The following GALNTL6 variants were observed in gnomAD, a reference collection of about 807,000 sequenced individuals.
The protein encoded by GALNTL6 is polypeptide N-acetylgalactosaminyltransferase-like 6.
GALNTL6 carries 46 observed loss-of-function variants against 73.7 expected under a neutral mutation model. That is an observed-to-expected ratio of 0.62 (90% CI 0.49 to 0.80). The LOEUF is 0.80. Ranked by LOEUF, GALNTL6 falls within the 30% of genes least tolerant of loss-of-function variation. GALNTL6 has a pLI of 0.00. For missense variants in GALNTL6, 604 were observed against 755.0 expected (o/e 0.80, Z 2.34); for synonymous variants, 259 against 263.7 (o/e 0.98, Z 0.17).
rs1189629624 is a variant in GALNTL6, at chr4:172,952,180, A to G, written c.1293A>G (p.Lys431=). ...LRKQLKCKDF[K]WFMAAVAWDV... ...AGCAGCTCAAGTGCAAGGACTTCAA[A>G]TGGTTCATGGCTGCTGTGGCCTGGG... Residue 431 remains lysine (K), a synonymous_variant, in exon 10 of 13, where the codon AAA becomes AAG. Transcript: ENST00000506823. 1.2e-6 allele frequency: 2 copies of G among 1,614,058 alleles called. No individual in the cohort carries two copies. The highest frequency in any genetic ancestry group is 1.7e-6 in the Non-Finnish European group (2 of 1,179,996).
At chr4:172,433,366 G>A (rs939318969) in intron 5 of GALNTL6, among the ~76,000 whole-genome samples, 4 of 151,862 alleles carry the variant, frequency 2.6e-5, no homozygotes, top group Non-Finnish European at 4.4e-5. Context: ...TCAGCCCCCC[G>A]CCTGCTCCCA....
chr4:172,480,303 G>A (rs959072763), intron 5 of GALNTL6, among the ~76,000 whole-genome samples: 2 of 151,552 alleles, frequency 1.3e-5, no homozygotes, highest in African/African-American at 4.8e-5. Context: ...ACAGGGCGAG[G>A]CCCTGTCTCA....
At chr4:172,017,545 C>T (rs933986229) in intron 2 of GALNTL6, among the ~76,000 whole-genome samples, 1 of 152,078 alleles carries the variant, frequency 6.6e-6, no homozygotes, top group Admixed American at 6.6e-5. Context: ...CAAGACCCCT[C>T]ACAATCACAG....
intron 3 of GALNTL6, among the ~76,000 whole-genome samples, chr4:172,287,354 A>C (rs569131475): frequency 6.6e-6 from 1 of 152,292 alleles, no homozygotes; most frequent in South Asian, 2.1e-4. Flanking sequence ...GCATGCCCAC[A>C]GTGCATGGAC....
chr4:172,451,783 A>G (rs1016998127), intron 5 of GALNTL6, among the ~76,000 whole-genome samples: 19 of 152,176 alleles, frequency 1.2e-4, no homozygotes, highest in Non-Finnish European at 2.2e-4. Context: ...AGGCTGGAGA[A>G]TTGCTTGAGG....
At chr4:171,943,633 T>G (rs977291559) in intron 2 of GALNTL6, among the ~76,000 whole-genome samples, 5 of 152,198 alleles carry the variant, frequency 3.3e-5, no homozygotes, top group Non-Finnish European at 7.3e-5. Context: ...TAAAAAAATC[T>G]GTATTTGCTT....
At chr4:172,603,271 T>C (rs560402061) in intron 5 of GALNTL6, among the ~76,000 whole-genome samples, 1 of 152,316 alleles carries the variant, frequency 6.6e-6, no homozygotes, top group South Asian at 2.1e-4. Context: ...AATACACATA[T>C]CCTAAGCTTT....
intron 2 of GALNTL6, among the ~76,000 whole-genome samples, chr4:172,150,652 G>A (rs1734057124): frequency 6.6e-6 from 1 of 152,128 alleles, no homozygotes; most frequent in South Asian, 2.1e-4. Flanking sequence ...TAATAGATAA[G>A]TGGCTAAAAT....
intron 5 of GALNTL6, among the ~76,000 whole-genome samples, chr4:172,713,370 T>C (rs950578698): frequency 5.3e-5 from 8 of 151,704 alleles, no homozygotes; most frequent in African/African-American, 1.9e-4. Context: ...TGGAGACCCA[T>C]GAAAGAGCCG....
intron 7 of GALNTL6, among the ~76,000 whole-genome samples, chr4:172,844,830 T>C (rs1303323661): frequency 2.0e-5 from 3 of 152,018 alleles, no homozygotes; most frequent in African/African-American, 7.2e-5. Context: ...TATTAACCTC[T>C]GGAAAAAGTT....
intron 5 of GALNTL6, among the ~76,000 whole-genome samples, chr4:172,443,121 CATAT>C (rs4048464): frequency 0.044 from 2,264 of 51,876 alleles, 22 homozygotes; most frequent in South Asian, 0.08. Flanking sequence ...GATCCATATA[CATAT>C]ATATATATAT....
intron 2 of GALNTL6, among the ~76,000 whole-genome samples, chr4:172,169,810 C>G (rs1734753394): frequency 6.6e-6 from 1 of 152,284 alleles, no homozygotes; most frequent in East Asian, 1.9e-4. Context: ...ACAACACCCT[C>G]TCTGATAATA....
intron 2 of GALNTL6, among the ~76,000 whole-genome samples, chr4:172,166,197 G>A (rs1273604539): frequency 1.3e-5 from 2 of 152,142 alleles, no homozygotes; most frequent in Non-Finnish European, 2.9e-5. Flanking sequence ...GGAGGCTCAC[G>A]CCTGTAATCC....
chr4:172,144,298 G>A (rs1733871736), intron 2 of GALNTL6, among the ~76,000 whole-genome samples: 1 of 152,106 alleles, frequency 6.6e-6, no homozygotes, highest in Non-Finnish European at 1.5e-5. Flanking sequence ...AATGGCATCT[G>A]GTTTTAGTTA....
intron 8 of GALNTL6, among the ~76,000 whole-genome samples, chr4:172,885,972 A>G (rs1274024943): frequency 1.3e-5 from 2 of 152,118 alleles, no homozygotes; most frequent in African/African-American, 4.8e-5. Context: ...GGGTTTTTAC[A>G]TCTATGTTTA....
intron 2 of GALNTL6, among the ~76,000 whole-genome samples, chr4:172,099,072 A>C (rs2110956660): frequency 6.6e-6 from 1 of 152,314 alleles, no homozygotes; most frequent in East Asian, 1.9e-4. Flanking sequence ...AGACAGTAGA[A>C]GGAATATCAA....
At chr4:171,896,090 G>T (rs915813933) in intron 2 of GALNTL6, among the ~76,000 whole-genome samples, 36 of 152,040 alleles carry the variant, frequency 2.4e-4, no homozygotes, top group African/African-American at 8.7e-4. Context: ...GTCCATCAGG[G>T]AAAAAGAGGG....
intron 2 of GALNTL6, among the ~76,000 whole-genome samples, chr4:171,980,445 T>C (rs1446882402): frequency 6.6e-6 from 1 of 152,040 alleles, no homozygotes; most frequent in Non-Finnish European, 1.5e-5. Context: ...GATGGAGAAA[T>C]GAAGCAACCC....
chr4:171,869,262 A>T (rs971574371), intron 2 of GALNTL6, among the ~76,000 whole-genome samples: 1 of 152,210 alleles, frequency 6.6e-6, no homozygotes, highest in Non-Finnish European at 1.5e-5. Flanking sequence ...GAAGGAAAGA[A>T]TCATGTCATA....
Sources: gnomAD v4.1 joint callset for allele counts (sites outside exome capture counted in the v4.1 genomes callset) on GRCh38, gnomAD v4.1.1 for gene constraint, MANE v1.5 for transcripts, NCBI Gene and HGNC (gene_info 2026-07-23, HGNC 2026-07-21) for gene names.